Variants in SPOCK1 observed in about 807,000 individuals in gnomAD.
SPOCK1 encodes SPARC (osteonectin), cwcv and kazal like domains proteoglycan 1.
A neutral mutation model predicts 55.3 loss-of-function variants in SPOCK1; 23 were observed. The ratio of observed to expected loss-of-function variants is 0.42; its 90% CI spans 0.30 to 0.59. The LOEUF is 0.59. Ranked by LOEUF, SPOCK1 falls within the 20% of genes least tolerant of loss-of-function variation. SPOCK1 has a pLI of 0.22. For synonymous variants in SPOCK1, 226 were observed against 221.0 expected, an observed-to-expected ratio of 1.02 and a Z score of -0.20; for missense variants, 499 against 552.5, an observed-to-expected ratio of 0.90 and a Z score of 0.97.
At chr5:137,031,078 T>G (rs887317494) in intron 6 of SPOCK1, among the ~76,000 whole-genome samples, 1 of 152,232 alleles carries the variant, frequency 6.6e-6, no homozygotes, top group African/African-American at 2.4e-5. Flanking sequence ...TTTTGTAATT[T>G]TTTTAAATAG....
chr5:137,332,918 G>A (rs915458639), intron 2 of SPOCK1, among the ~76,000 whole-genome samples: 10 of 152,144 alleles, frequency 6.6e-5, no homozygotes, highest in African/African-American at 2.4e-4. Flanking sequence ...AGTCCAAGAG[G>A]GAGAGATGAG....
intron 2 of SPOCK1, among the ~76,000 whole-genome samples, chr5:137,319,894 G>A (rs1034333357): frequency 4.8e-5 from 7 of 144,696 alleles, no homozygotes; most frequent in Non-Finnish European, 9.0e-5. Context: ...GCAGTGAGCC[G>A]AGATTGCGCC....
intron 2 of SPOCK1, among the ~76,000 whole-genome samples, chr5:137,320,079 C>CA (rs1283023387): frequency 2.0e-5 from 3 of 151,810 alleles, no homozygotes; most frequent in Admixed American, 1.3e-4. Context: ...AAATGGGTAA[C>CA]AAAAAGCTAT....
chr5:137,003,398 CATAA>C (rs1382538011), intron 6 of SPOCK1, among the ~76,000 whole-genome samples: 5 of 152,122 alleles, frequency 3.3e-5, no homozygotes, highest in African/African-American at 1.2e-4. Context: ...GACTCTGTCT[CATAA>C]ATAAATAAAT....
chr5:137,022,353 G>A (rs927048431), intron 6 of SPOCK1, among the ~76,000 whole-genome samples: 3 of 152,080 alleles, frequency 2.0e-5, no homozygotes, highest in African/African-American at 7.2e-5. Context: ...TACGACTCCA[G>A]TCCCAGGCAC....
intron 3 of SPOCK1, among the ~76,000 whole-genome samples, chr5:137,247,520 T>C (rs1005342252): frequency 7.9e-5 from 12 of 152,172 alleles, no homozygotes; most frequent in Admixed American, 5.2e-4. Context: ...GCAGAAAACA[T>C]AACATATATC....
chr5:137,037,086 A>C (rs1169578323), intron 6 of SPOCK1, among the ~76,000 whole-genome samples: 2 of 152,072 alleles, frequency 1.3e-5, no homozygotes, highest in Non-Finnish European at 2.9e-5. Flanking sequence ...TGAAAAATAA[A>C]GCTAATTTCA....
intron 2 of SPOCK1, among the ~76,000 whole-genome samples, chr5:137,367,320 AC>A (rs1271954416): frequency 6.6e-6 from 1 of 152,126 alleles, no homozygotes; most frequent in Admixed American, 6.5e-5. Context: ...GAACAGTCAC[AC>A]CCACCCCTGC....
At chr5:137,244,323 T>A (rs1375538119) in intron 3 of SPOCK1, among the ~76,000 whole-genome samples, 1 of 152,216 alleles carries the variant, frequency 6.6e-6, no homozygotes, top group African/African-American at 2.4e-5. Context: ...TTGGAGAGAC[T>A]GCTCTGGGAA....
intron 3 of SPOCK1, among the ~76,000 whole-genome samples, chr5:137,186,800 C>T (rs1413742591): frequency 6.6e-6 from 1 of 152,100 alleles, no homozygotes; most frequent in Non-Finnish European, 1.5e-5. Flanking sequence ...GTCTTCACTG[C>T]CTCGCTTCCT....
At chr5:137,120,164 G>A (rs1000452367) in intron 4 of SPOCK1, among the ~76,000 whole-genome samples, 3 of 152,080 alleles carry the variant, frequency 2.0e-5, no homozygotes, top group African/African-American at 4.8e-5. Flanking sequence ...CCCAGATAAC[G>A]AGAGCCAGGG....
At chr5:137,104,752 C>G (rs1336372276) in intron 5 of SPOCK1, among the ~76,000 whole-genome samples, 1 of 152,150 alleles carries the variant, frequency 6.6e-6, no homozygotes, top group Non-Finnish European at 1.5e-5. Context: ...CCATCATCCC[C>G]ATCTAGTTGT....
At chr5:137,089,021 A>G (rs1317623495) in intron 5 of SPOCK1, among the ~76,000 whole-genome samples, 1 of 152,138 alleles carries the variant, frequency 6.6e-6, no homozygotes, top group Non-Finnish European at 1.5e-5. Flanking sequence ...CCGAGAGAGG[A>G]GGCCAGGAGA....
At chr5:137,151,768 CTTGT>C (rs1221589945) in intron 3 of SPOCK1, among the ~76,000 whole-genome samples, 1 of 152,166 alleles carries the variant, frequency 6.6e-6, no homozygotes, top group African/African-American at 2.4e-5. Flanking sequence ...AAGTTCAAAG[CTTGT>C]TTGAGAGCCT....
intron 6 of SPOCK1, among the ~76,000 whole-genome samples, chr5:137,004,179 T>C (rs1169373836): frequency 2.0e-5 from 3 of 152,044 alleles, no homozygotes; most frequent in African/African-American, 7.2e-5. Context: ...AAATTCCCAC[T>C]TGGAATTGAG....
At chr5:137,467,190 G>A (rs977362149) in intron 2 of SPOCK1, among the ~76,000 whole-genome samples, 7 of 152,246 alleles carry the variant, frequency 4.6e-5, no homozygotes, top group African/African-American at 7.2e-5. Flanking sequence ...TGGAAGTCAC[G>A]TTCTCTGTAA....
intron 6 of SPOCK1, among the ~76,000 whole-genome samples, chr5:137,008,409 G>A (rs977039655): frequency 6.6e-5 from 10 of 151,582 alleles, no homozygotes; most frequent in East Asian, 1.9e-4. Context: ...ATTTCAGCAC[G>A]GCAATATTCA....
chr5:137,194,121 G>C (rs965445503), intron 3 of SPOCK1, among the ~76,000 whole-genome samples: 1 of 152,180 alleles, frequency 6.6e-6, no homozygotes, highest in Non-Finnish European at 1.5e-5. Flanking sequence ...GAATGGCGAA[G>C]CATTTAATTG....
At chr5:136,992,766 A>T in intron 6 of SPOCK1, 166 bp from the exon 7 acceptor site, 1 of 521,996 alleles carries the variant, frequency 1.9e-6, no homozygotes. Flanking sequence ...ACAAACAAAG[A>T]GTGGGACAAA....
Sources: allele counts gnomAD v4.1 joint callset (sites outside exome capture counted in the v4.1 genomes callset), GRCh38; gene constraint gnomAD v4.1.1; transcripts MANE v1.5; gene names NCBI Gene and HGNC (gene_info 2026-07-23, HGNC 2026-07-21).